The following FSTL4 variants were observed in gnomAD, a reference collection of about 807,000 sequenced individuals.
The protein encoded by FSTL4 is follistatin like 4, also known as follistatin-related protein 4.
In FSTL4, 28 loss-of-function variants were observed where a neutral mutation model predicts 78.2. The ratio of observed to expected loss-of-function variants is 0.36; its 90% CI spans 0.27 to 0.49. FSTL4 has a LOEUF of 0.49. Ranked by LOEUF, FSTL4 falls within the 20% of genes least tolerant of loss-of-function variation. The probability of loss-of-function intolerance (pLI) is 0.98; values close to 1 mark genes in which losing one functional copy is unlikely to be tolerated. For synonymous variants in FSTL4, 422 were observed against 440.5 expected (o/e 0.96, Z 0.53); for missense variants, 922 against 1,084.9 (o/e 0.85, Z 2.11).
At chr5:133,396,765 T>C (rs1178011385) in intron 4 of FSTL4, among the ~76,000 whole-genome samples, 1 of 152,228 alleles carries the variant, frequency 6.6e-6, no homozygotes. Flanking sequence ...GGAAGCTCTA[T>C]TTGCTCTGCT....
At chr5:133,570,931 G>C (rs1473051789) in intron 2 of FSTL4, among the ~76,000 whole-genome samples, 3 of 152,098 alleles carry the variant, frequency 2.0e-5, no homozygotes, top group Non-Finnish European at 4.4e-5. Flanking sequence ...AAACATCAGA[G>C]TGCAAGGCTA....
At chr5:133,298,829 T>C (rs1449682417) in intron 6 of FSTL4, among the ~76,000 whole-genome samples, 1 of 151,908 alleles carries the variant, frequency 6.6e-6, no homozygotes, top group African/African-American at 2.4e-5. Context: ...AACATCTTCA[T>C]CTGAGGATCA....
At position 133,468,708 on chromosome 5, in the gene FSTL4, C is replaced by T. The variant is rs543605432; in HGVS notation, c.161-67722G>A. Reference sequence around the variant, plus strand: ...GACCTGAGACTCAGTGTGGCAGCACCGGGCAAACTCCCCCAGTTGTTCCTG... The same window carrying T: ...GACCTGAGACTCAGTGTGGCAGCACTGGGCAAACTCCCCCAGTTGTTCCTG... On this transcript the variant is annotated intron_variant, in intron 3 of 15. Transcript: ENST00000265342. 6.6e-4 allele frequency among the ~76,000 whole-genome samples: 100 copies of T among 152,244 alleles called. 1 individual carries two copies. Among genetic ancestry groups the T allele is most frequent in the African/African-American group, 2.3e-3 (96 of 41,552 alleles).
Position 133,603,948 on chromosome 5 carries a change from C to A in FSTL4, c.36G>T (p.Leu12=). Reference sequence around the variant, plus strand: ...GCGCAGCCGGCAGGGAGGCTCCGAGCAGTGTGAGATGCAGCCAAAAGCCTC... The same window carrying A: ...GCGCAGCCGGCAGGGAGGCTCCGAGAAGTGTGAGATGCAGCCAAAAGCCTC... The part of the protein sequence containing the change: ...KPGGFWLHLT[L]LGASLPAALG... Residue 12 remains leucine, a synonymous_variant, in exon 2 of 16, where the codon CTG becomes CTT. Transcript: ENST00000265342. 6.2e-7 allele frequency: 1 copy of A among 1,613,346 alleles called. No homozygotes were observed. Among genetic ancestry groups the A allele is most frequent in the Non-Finnish European group, 8.5e-7 (1 of 1,179,300 alleles).
intron 6 of FSTL4, among the ~76,000 whole-genome samples, chr5:133,259,484 AG>A (rs1308020699): frequency 1.3e-5 from 2 of 151,366 alleles, no homozygotes; most frequent in African/African-American, 4.9e-5. Context: ...CTGTAATTTA[AG>A]GAGATGAAAA....
intron 3 of FSTL4, among the ~76,000 whole-genome samples, chr5:133,402,932 G>A (rs1156335135): frequency 6.6e-6 from 1 of 152,228 alleles, no homozygotes; most frequent in Non-Finnish European, 1.5e-5. Context: ...TGATGGTGGC[G>A]GGGAGGGAAG....
intron 4 of FSTL4, among the ~76,000 whole-genome samples, chr5:133,336,350 G>C (rs1754462498): frequency 6.6e-6 from 1 of 152,240 alleles, no homozygotes; most frequent in Non-Finnish European, 1.5e-5. Context: ...GGGTGGAGAA[G>C]GGGGCGAGGC....
chr5:133,560,877 GA>G (rs2112937546), intron 3 of FSTL4, among the ~76,000 whole-genome samples: 1 of 151,238 alleles, frequency 6.6e-6, no homozygotes, highest in Admixed American at 6.6e-5. Flanking sequence ...ACGAGGTCAG[GA>G]GATAGAGACC....
At chr5:133,233,788 C>A (rs1486644915) in intron 7 of FSTL4, among the ~76,000 whole-genome samples, 1 of 152,156 alleles carries the variant, frequency 6.6e-6, no homozygotes, top group African/African-American at 2.4e-5. Flanking sequence ...CTCCACGAGG[C>A]CCGGTTTGAA....
rs992631552 is a variant in FSTL4, at chr5:133,563,321, A to G, written c.160+3865T>C. Among the ~76,000 whole-genome samples, 7 of 152,232 alleles carry G rather than the reference A, an allele frequency of 4.6e-5. 1 individual carries two copies. In the East Asian group the frequency reaches 9.6e-4, roughly 21 times the overall value. On this transcript the variant is annotated intron_variant, in intron 3 of 15. Coordinates refer to ENST00000265342, the MANE Select transcript of FSTL4 (RefSeq NM_015082.2). ...CAGCTCTCTGGGCTTGGCAGCCAAC[A>G]TAAGGTACAAACACCCTTGGATGTG...
At chr5:133,751,213 C>T in the FSTL4 span, among the ~76,000 whole-genome samples, 5 of 152,172 alleles carry the variant, frequency 3.3e-5, no homozygotes, top group Non-Finnish European at 7.3e-5. Context: ...CATGCTTCTT[C>T]GACTCCAAGA....
the FSTL4 span, among the ~76,000 whole-genome samples, chr5:133,812,187 C>A: frequency 6.6e-6 from 1 of 152,182 alleles, no homozygotes; most frequent in Non-Finnish European, 1.5e-5. Flanking sequence ...ACTTCCACTG[C>A]GTCATCCTTG....
chr5:133,253,157 CCTCA>C (rs1457794998), intron 6 of FSTL4, among the ~76,000 whole-genome samples: 1 of 152,238 alleles, frequency 6.6e-6, no homozygotes, highest in Non-Finnish European at 1.5e-5. Flanking sequence ...CTCCTTCCAC[CCTCA>C]CTCCCCGTTA....
At chr5:133,748,695 C>T in the FSTL4 span, among the ~76,000 whole-genome samples, 305 of 152,296 alleles carry the variant, frequency 2.0e-3, no homozygotes, top group African/African-American at 6.8e-3. Flanking sequence ...TTTTTGCTCT[C>T]GGCTGGAGGC....
At chr5:133,518,015 A>G (rs565356757) in intron 3 of FSTL4, among the ~76,000 whole-genome samples, 1 of 152,380 alleles carries the variant, frequency 6.6e-6, no homozygotes, top group South Asian at 2.1e-4. Context: ...AGAAATATCT[A>G]GAATAATGTC....
intron 4 of FSTL4, among the ~76,000 whole-genome samples, chr5:133,341,383 C>T (rs1482018378): frequency 6.6e-6 from 1 of 152,146 alleles, no homozygotes; most frequent in Non-Finnish European, 1.5e-5. Context: ...GAGGTGGCTT[C>T]CCACAGGACG....
chr5:133,210,096 T>C (rs1006971378), intron 14 of FSTL4, 95 bp downstream of exon 14: 16 of 700,176 alleles, frequency 2.3e-5, no homozygotes, highest in Non-Finnish European at 4.1e-5. Context: ...ATAAATGTAA[T>C]TAGCTACCCG....
chr5:133,316,337 A>C, intron 5 of FSTL4, 122 bp downstream of exon 5: 1 of 718,348 alleles, frequency 1.4e-6, no homozygotes, highest in East Asian at 2.6e-5. Flanking sequence ...ACCTGACCTC[A>C]TTTTGTTTGT....
chr5:133,675,057 T>C, the FSTL4 span, among the ~76,000 whole-genome samples: 10 of 152,042 alleles, frequency 6.6e-5, no homozygotes, highest in Non-Finnish European at 8.8e-5. Context: ...ATTTGTTCTC[T>C]AAGAAAATAA....
Sources: allele counts gnomAD v4.1 joint callset (sites outside exome capture counted in the v4.1 genomes callset), GRCh38; gene constraint gnomAD v4.1.1; transcripts MANE v1.5; gene names NCBI Gene and HGNC (gene_info 2026-07-23, HGNC 2026-07-21).